Variants in FALEC observed in about 807,000 individuals in gnomAD.
FALEC encodes the protein focally amplified lncRNA on chromosome 1.
At chr1:150,525,281 C>T in the FALEC span, among the ~76,000 whole-genome samples, 35 of 151,888 alleles carry the variant, frequency 2.3e-4, no homozygotes, top group African/African-American at 7.7e-4. Flanking sequence ...AGCAAGTGTC[C>T]GTCTCAAAAA....
chr1:150,532,063 C>T, the FALEC span, among the ~76,000 whole-genome samples: 4 of 152,168 alleles, frequency 2.6e-5, 1 homozygote, highest in Admixed American at 2.0e-4. Context: ...CCCACCACCA[C>T]GCCCAGCTAA....
chr1:150,523,717 AC>A, the FALEC span, among the ~76,000 whole-genome samples: 1 of 151,754 alleles, frequency 6.6e-6, no homozygotes, highest in African/African-American at 2.4e-5. Context: ...TTTCTGCTGG[AC>A]AGTGTAGTGG....
At chr1:150,529,378 G>T in the FALEC span, among the ~76,000 whole-genome samples, 6 of 152,262 alleles carry the variant, frequency 3.9e-5, no homozygotes, top group Non-Finnish European at 7.3e-5. Context: ...ATGGGGGCTT[G>T]GTGGGCAGGC....
downstream of FALEC, among the ~76,000 whole-genome samples, chr1:150,522,977 A>T (rs1326336289): frequency 0.082 from 1,964 of 23,984 alleles, 466 homozygotes; most frequent in Non-Finnish European, 0.095. Flanking sequence ...ATATATATAT[A>T]TATATATTTT....
the FALEC span, among the ~76,000 whole-genome samples, chr1:150,529,016 C>CAAAAAAAACAAA: frequency 3.4e-5 from 2 of 59,292 alleles, no homozygotes; most frequent in Admixed American, 2.1e-4. Flanking sequence ...AAATAAATAG[C>CAAAAAAAACAAA]AAAAAAAAAA....
At chr1:150,533,527 C>T in the FALEC span, among the ~76,000 whole-genome samples, 1 of 151,040 alleles carries the variant, frequency 6.6e-6, no homozygotes, top group East Asian at 2.0e-4. Context: ...CCTCCGCCTC[C>T]CAGGTTCAAG....
At chr1:150,533,941 ATCCT>A in the FALEC span, among the ~76,000 whole-genome samples, 1 of 152,188 alleles carries the variant, frequency 6.6e-6, no homozygotes, top group South Asian at 2.1e-4. Context: ...CGTGTCGTGG[ATCCT>A]GTGTGTGCTT....
At chr1:150,520,783 CTTTTT>C (rs71086518), downstream of FALEC, among the ~76,000 whole-genome samples, 644 of 42,790 alleles carry the variant, frequency 0.015, 1 homozygote, top group African/African-American at 0.06. Context: ...CTTTTCTTTT[CTTTTT>C]TTTTTTTTTT....
chr1:150,522,945 GTGTGTATA>G (rs1434735084), downstream of FALEC, among the ~76,000 whole-genome samples: 53 of 8,676 alleles, frequency 6.1e-3, no homozygotes, highest in South Asian at 0.019. Context: ...GTGTGTGTGT[GTGTGTATA>G]TATATATATA....
At chr1:150,520,783 C>CTTTTTTTTTTTTTTTTTTTTTT (rs71086518), downstream of FALEC, among the ~76,000 whole-genome samples, 181 of 42,840 alleles carry the variant, frequency 4.2e-3, 18 homozygotes, top group East Asian at 5.5e-3. Context: ...CTTTTCTTTT[C>CTTTTTTTTTTTTTTTTTTTTTT]TTTTTTTTTT....
chr1:150,525,886 C>T, the FALEC span, among the ~76,000 whole-genome samples: 1 of 152,116 alleles, frequency 6.6e-6, no homozygotes, highest in Non-Finnish European at 1.5e-5. Context: ...AAGCAATTCT[C>T]CCATTTCGGC....
At chr1:150,533,476 C>T in the FALEC span, among the ~76,000 whole-genome samples, 1 of 129,238 alleles carries the variant, frequency 7.7e-6, no homozygotes, top group African/African-American at 3.0e-5. Context: ...CACTCTGTTG[C>T]CCAGGCTGGA....
the FALEC span, among the ~76,000 whole-genome samples, chr1:150,525,446 C>T: frequency 1.1e-4 from 17 of 151,388 alleles, no homozygotes; most frequent in African/African-American, 3.9e-4. Context: ...CAGAGTGAGA[C>T]CATGTCTTAA....
chr1:150,528,931 G>A, the FALEC span, among the ~76,000 whole-genome samples: 7 of 142,930 alleles, frequency 4.9e-5, no homozygotes, highest in South Asian at 1.5e-3. Context: ...TTGTCTCAGG[G>A]CTATTTGCTC....
chr1:150,530,559 T>C, the FALEC span, among the ~76,000 whole-genome samples: 1 of 152,184 alleles, frequency 6.6e-6, no homozygotes, highest in Non-Finnish European at 1.5e-5. Flanking sequence ...CGATTTTTAC[T>C]GCCCAGGGCC....
chr1:150,525,588 G>A, the FALEC span, among the ~76,000 whole-genome samples: 3 of 152,092 alleles, frequency 2.0e-5, no homozygotes, highest in Non-Finnish European at 4.4e-5. Context: ...GGTTTTGGTT[G>A]GTCCCACCGT....
At chr1:150,526,806 T>C in the FALEC span, among the ~76,000 whole-genome samples, 1 of 150,618 alleles carries the variant, frequency 6.6e-6, no homozygotes, top group Non-Finnish European at 1.5e-5. Flanking sequence ...GCTAATTTTT[T>C]TGTATTTTTA....
downstream of FALEC, among the ~76,000 whole-genome samples, chr1:150,520,873 G>C (rs587656137): frequency 1.4e-5 from 2 of 138,802 alleles, no homozygotes; most frequent in African/African-American, 5.4e-5. Context: ...GGCTCAGCGC[G>C]ATCTCAGCTC....
downstream of FALEC, among the ~76,000 whole-genome samples, chr1:150,518,678 G>A (rs1358034818): frequency 4.0e-5 from 6 of 151,540 alleles, no homozygotes; most frequent in South Asian, 6.3e-4. Context: ...GTGAGCCACC[G>A]TGCCCAGCAA....
Sources: allele counts gnomAD v4.1 joint callset (sites outside exome capture counted in the v4.1 genomes callset), GRCh38; gene constraint gnomAD v4.1.1; transcripts MANE v1.5; gene names NCBI Gene and HGNC (gene_info 2026-07-23, HGNC 2026-07-21).